CLGN: variants seen among roughly 807,000 people sequenced by gnomAD.
The protein encoded by CLGN is calmegin.
A neutral mutation model predicts 79.1 loss-of-function variants in CLGN; 62 were observed. That is an observed-to-expected ratio of 0.78 (90% CI 0.64 to 0.97). CLGN has a LOEUF of 0.97. Ranked by LOEUF, CLGN falls within the 50% of genes least tolerant of loss-of-function variation. The probability of loss-of-function intolerance (pLI) is 0.00; values close to 1 mark genes in which losing one functional copy is unlikely to be tolerated. For synonymous variants in CLGN, 225 were observed against 224.7 expected (o/e 1.00, Z -0.01); for missense variants, 647 against 715.5 (o/e 0.90, Z 1.09).
chr4:140,389,126 G>A lies in CLGN; in HGVS notation c.*98C>T, dbSNP rs1540428. On this transcript the variant is annotated 3_prime_UTR_variant, in exon 15 of 15. Coordinates refer to ENST00000325617, the MANE Select transcript of CLGN (RefSeq NM_004362.3). ...AAGAATATAATGTTGCTAGATATTAGAAACAGGATGTGCAGACTGATTAAA... is the reference window on the plus strand; with the variant it reads ...AAGAATATAATGTTGCTAGATATTAAAAACAGGATGTGCAGACTGATTAAA... 1 of 855,446 alleles carries A rather than the reference G, an allele frequency of 1.2e-6. No homozygotes were observed. 53.0% of individuals were successfully genotyped at this position (855,446 alleles called of 1,614,324 possible). A position where few individuals can be genotyped will look rare whatever the true frequency, so the allele number is the denominator to read the frequency against.
At chr4:140,419,487 A>G (rs1729419839) in intron 1 of CLGN, among the ~76,000 whole-genome samples, 2 of 152,268 alleles carry the variant, frequency 1.3e-5, no homozygotes, top group East Asian at 3.9e-4. Flanking sequence ...GTGTATATAA[A>G]CATAAAAATG....
At chr4:140,408,137 T>G (rs1729143499) in intron 4 of CLGN, among the ~76,000 whole-genome samples, 1 of 152,074 alleles carries the variant, frequency 6.6e-6, no homozygotes, top group African/African-American at 2.4e-5. Flanking sequence ...TATAGAAGAA[T>G]GAAACTGGAT....
At position 140,395,923 on chromosome 4, in the gene CLGN, G is replaced by C; in HGVS notation, c.1045C>G (p.Pro349Ala). 1 of 1,604,454 alleles carries C rather than the reference G, an allele frequency of 6.2e-7. No individual in the cohort carries two copies. The highest frequency in any genetic ancestry group is 8.5e-7 in the Non-Finnish European group (1 of 1,176,752). ...GEWEAPQILN[P>A]ACRIGCGEWK... ...TCACCACACCCAATCCGACATGCTG[G>C]ATTAAGAATCTGAGGTGCCTCCCAT... The change falls in exon 10 of 15, where the codon CCA becomes GCA. Residue 349 changes from proline (P) to alanine (A), a missense_variant. Coordinates refer to ENST00000325617, the MANE Select transcript of CLGN (RefSeq NM_004362.3).
chr4:140,404,935 C>T lies in CLGN; in HGVS notation c.419+1007G>A, dbSNP rs983959672. 7.9e-5 allele frequency among the ~76,000 whole-genome samples: 12 copies of T among 151,954 alleles called. No individual in the cohort carries two copies. In the South Asian group the frequency reaches 8.3e-4, roughly 10 times the overall value. Reference sequence around the variant, plus strand: ...CCTCCCAAAGTGCTGGGATTACACACATGAGGCATGAGGCACCATGCCAGG... The same window carrying T: ...CCTCCCAAAGTGCTGGGATTACACATATGAGGCATGAGGCACCATGCCAGG... On this transcript the variant is annotated intron_variant, in intron 5 of 14. Transcript: ENST00000325617.
intron 10 of CLGN, 67 bp from the exon 11 acceptor site, chr4:140,394,108 T>C: frequency 5.5e-6 from 6 of 1,098,122 alleles, no homozygotes; most frequent in South Asian, 1.5e-5. Context: ...GCTTAATAAG[T>C]AGCTGCTGTT....
intron 10 of CLGN, among the ~76,000 whole-genome samples, chr4:140,395,428 G>A (rs569192615): frequency 1.3e-3 from 201 of 152,232 alleles, no homozygotes; most frequent in Non-Finnish European, 1.9e-3. Context: ...TTACAGGCAT[G>A]AGCCACCGTA....
chr4:140,420,565 A>G (rs1729451905), intron 1 of CLGN, among the ~76,000 whole-genome samples: 1 of 151,530 alleles, frequency 6.6e-6, no homozygotes, highest in African/African-American at 2.4e-5. Context: ...AAAAAAAAAA[A>G]TCAGAAATAC....
intron 14 of CLGN, among the ~76,000 whole-genome samples, chr4:140,389,548 G>A (rs1210945979): frequency 6.6e-6 from 1 of 151,708 alleles, no homozygotes; most frequent in African/African-American, 2.4e-5. Context: ...AGATGTTTTC[G>A]AAGGTACACA....
intron 2 of CLGN, 43 bp downstream of exon 2, chr4:140,412,892 T>G: frequency 6.5e-7 from 1 of 1,539,444 alleles, no homozygotes; most frequent in South Asian, 1.1e-5. Flanking sequence ...TTCATTGTAC[T>G]ATGTAAAGGA....
intron 1 of CLGN, among the ~76,000 whole-genome samples, chr4:140,413,542 G>T (rs531501215): frequency 7.9e-5 from 12 of 152,234 alleles, no homozygotes; most frequent in African/African-American, 2.9e-4. Context: ...TGCCTCACTC[G>T]GGAAGCACAA....
At chr4:140,421,876 T>C (rs577175253) in intron 1 of CLGN, among the ~76,000 whole-genome samples, 1 of 152,250 alleles carries the variant, frequency 6.6e-6, no homozygotes, top group Non-Finnish European at 1.5e-5. Flanking sequence ...TTCAATGTCA[T>C]GAAGCTTTCC....
chr4:140,414,981 A>T (rs1236150985), intron 1 of CLGN, among the ~76,000 whole-genome samples: 2 of 151,268 alleles, frequency 1.3e-5, no homozygotes, highest in African/African-American at 4.9e-5. Flanking sequence ...AGGGAAGCCC[A>T]TCAGACTAAC....
chr4:140,417,894 G>C (rs1729376880), intron 1 of CLGN, among the ~76,000 whole-genome samples: 1 of 151,854 alleles, frequency 6.6e-6, no homozygotes, highest in Non-Finnish European at 1.5e-5. Context: ...GCATCGCCAA[G>C]TCAATCCTAA....
At chr4:140,426,245 A>C (rs1729565110) in intron 1 of CLGN, among the ~76,000 whole-genome samples, 1 of 152,240 alleles carries the variant, frequency 6.6e-6, no homozygotes, top group Admixed American at 6.5e-5. Context: ...TGTGACGTGA[A>C]CTAGACAATC....
At chr4:140,423,855 A>G (rs1729514879) in intron 1 of CLGN, among the ~76,000 whole-genome samples, 1 of 152,130 alleles carries the variant, frequency 6.6e-6, no homozygotes, top group Non-Finnish European at 1.5e-5. Flanking sequence ...ATTTCTGTAG[A>G]ATCAGATGTA....
At chr4:140,423,040 C>CT (rs375353601) in intron 1 of CLGN, among the ~76,000 whole-genome samples, 177 of 152,164 alleles carry the variant, frequency 1.2e-3, no homozygotes, top group African/African-American at 3.8e-3. Context: ...ATTTGAATGT[C>CT]TTTTTTCTTT....
At chr4:140,398,263 CTTTTTTT>C (rs1162212217) in intron 8 of CLGN, among the ~76,000 whole-genome samples, 9 of 86,802 alleles carry the variant, frequency 1.0e-4, no homozygotes, top group South Asian at 4.5e-4. Flanking sequence ...CAAACATACT[CTTTTTTT>C]TTTTTTTTTT....
intron 1 of CLGN, among the ~76,000 whole-genome samples, chr4:140,425,042 C>G (rs1038014785): frequency 6.6e-6 from 1 of 152,132 alleles, no homozygotes; most frequent in African/African-American, 2.4e-5. Flanking sequence ...TGAAGTAATG[C>G]TCACTGTCAC....
At chr4:140,409,184 T>C (rs1729166696) in intron 4 of CLGN, among the ~76,000 whole-genome samples, 2 of 152,006 alleles carry the variant, frequency 1.3e-5, no homozygotes, top group African/African-American at 4.8e-5. Context: ...AAATTACCAC[T>C]ATCAGTCACT....
Sources: gnomAD v4.1 joint callset for allele counts (sites outside exome capture counted in the v4.1 genomes callset) on GRCh38, gnomAD v4.1.1 for gene constraint, MANE v1.5 for transcripts, NCBI Gene and HGNC (gene_info 2026-07-23, HGNC 2026-07-21) for gene names.